Variants in NR4A1 observed in about 807,000 individuals in gnomAD.
The protein encoded by NR4A1 is nuclear receptor subfamily 4 group A member 1.
NR4A1 carries 24 observed loss-of-function variants against 47.5 expected under a neutral mutation model. The observed-to-expected ratio is 0.50, with a 90% CI of 0.37 to 0.71. The LOEUF (loss-of-function observed/expected upper bound fraction) is 0.71. Among genes scored for constraint, NR4A1 ranks in the 30% least tolerant of loss-of-function variants. The probability of loss-of-function intolerance (pLI) is 0.00; values close to 1 mark genes in which losing one functional copy is unlikely to be tolerated. For missense variants in NR4A1, 669 were observed against 788.6 expected (o/e 0.85, Z 1.82); for synonymous variants, 353 against 345.7 (o/e 1.02, Z -0.24).
At chr12:52,049,750 G>A (rs943869962), upstream of NR4A1, among the ~76,000 whole-genome samples, 1 of 152,214 alleles carries the variant, frequency 6.6e-6, no homozygotes, top group African/African-American at 2.4e-5. Context: ...TGCAAATGGG[G>A]CATCAGGAGC....
upstream of NR4A1, among the ~76,000 whole-genome samples, chr12:52,050,342 G>GGA (rs957657482): frequency 6.6e-6 from 1 of 152,196 alleles, no homozygotes; most frequent in Admixed American, 6.5e-5. Flanking sequence ...GTGGACAGGG[G>GGA]GAGGGGTATT....
upstream of NR4A1, among the ~76,000 whole-genome samples, chr12:52,047,306 C>T (rs1038763281): frequency 1.1e-4 from 17 of 152,196 alleles, no homozygotes; most frequent in African/African-American, 3.9e-4. Context: ...TCAATTGTGC[C>T]TTTCTCCAAA....
chr12:52,031,778 ATTTT>A (rs61279135), intron 1 of NR4A1, among the ~76,000 whole-genome samples: 1 of 125,866 alleles, frequency 7.9e-6, no homozygotes. Flanking sequence ...GTGATGGTTA[ATTTT>A]TTTTTTTTTT....
chr12:52,037,292 G>C, intron 1 of NR4A1: 1 of 826,704 alleles, frequency 1.2e-6, no homozygotes, highest in Non-Finnish European at 1.5e-6. Context: ...GGAGGTGGCG[G>C]CGGCGGCGGA....
rs1288019962 is a variant in NR4A1 at position 52,057,048 on chromosome 12, TC to T, written c.1159-8del. 1.3e-6 allele frequency: 2 copies of T among 1,585,642 alleles called. No individual in the cohort carries two copies. The highest frequency in any genetic ancestry group is 8.6e-7 in the Non-Finnish European group (1 of 1,164,894). ...CTGGGGTGCTGACCCCACTGGACCG[TC>T]TTCCTAGTTCCAGGAGCTGGTGCTG... On this transcript the variant is annotated splice_region_variant and splice_polypyrimidine_tract_variant and intron_variant, in intron 4 of 6. Transcript: ENST00000394825.
intron 1 of NR4A1, among the ~76,000 whole-genome samples, chr12:52,041,151 G>A (rs1938420321): frequency 6.6e-6 from 1 of 152,138 alleles, no homozygotes; most frequent in Non-Finnish European, 1.5e-5. Context: ...GTAGATATGT[G>A]TATCCAGCAC....
chr12:52,047,621 T>C (rs1592294253), upstream of NR4A1, among the ~76,000 whole-genome samples: 1 of 152,228 alleles, frequency 6.6e-6, no homozygotes, highest in East Asian at 1.9e-4. Context: ...GCAGCAGGAC[T>C]GCAGCCTCCA....
chr12:52,039,435 G>A (rs1938357085), intron 1 of NR4A1, among the ~76,000 whole-genome samples: 1 of 152,206 alleles, frequency 6.6e-6, no homozygotes, highest in Non-Finnish European at 1.5e-5. Flanking sequence ...GCCAGTGCAG[G>A]GGACAGAGCT....
chr12:52,034,468 A>G (rs1259801503), intron 1 of NR4A1, among the ~76,000 whole-genome samples: 1 of 152,240 alleles, frequency 6.6e-6, no homozygotes, highest in Non-Finnish European at 1.5e-5. Context: ...TCCCTGGGCC[A>G]TGCACGTTGT....
At chr12:52,056,833 G>C in intron 4 of NR4A1, 188 bp downstream of exon 4, 1 of 832,782 alleles carries the variant, frequency 1.2e-6, no homozygotes, top group Non-Finnish European at 1.8e-6. Context: ...CTGACCAGAT[G>C]GGAAAATGCA....
rs544230141 is a variant in NR4A1, at chr12:52,054,815, C to G, written c.487C>G (p.Pro163Ala). ...GGATGGCTCCTTCGGCCACTTCTCG[C>G]CCAGCCAGACTTACGAAGGCCTGCG... ...PWDGSFGHFSPSQTYEGLRAW... is the reference protein window; with the variant it reads ...PWDGSFGHFSASQTYEGLRAW... Residue 163 changes from proline (P) to alanine (A), a missense_variant, in exon 2 of 7, where the codon CCC (proline) becomes GCC (alanine). Pro to Ala is a conservative substitution (Grantham distance 27). Transcript: ENST00000394825. 1 of 1,613,578 alleles carries G rather than the reference C, an allele frequency of 6.2e-7. No individual in the cohort carries two copies.
intron 1 of NR4A1, 93 bp downstream of exon 1, chr12:52,051,661 G>A: frequency 1.2e-6 from 1 of 853,388 alleles, no homozygotes. Flanking sequence ...TTGTAGGGCC[G>A]GCATGCAAGA....
At chr12:52,030,993 CT>C (rs1368419238) in intron 1 of NR4A1, among the ~76,000 whole-genome samples, 1 of 152,018 alleles carries the variant, frequency 6.6e-6, no homozygotes, top group Non-Finnish European at 1.5e-5. Context: ...TCCCTTTCCC[CT>C]AACTCTCCAC....
Position 52,058,839 on chromosome 12 carries a change from C to CTATAT in NR4A1, c.1692_1693insTATAT (p.Leu565TyrfsTer57). The CTATAT allele has an allele frequency of 6.2e-7, 1 of 1,614,048 alleles. No homozygotes were observed. The highest frequency in any genetic ancestry group is 8.5e-7 in the Non-Finnish European group (1 of 1,179,984). On this transcript the variant is annotated frameshift_variant, in exon 7 of 7. Transcript: ENST00000394825. LOFTEE classifies it high-confidence loss of function. The stretch of plus-strand genomic sequence containing the variant: ...TGGGCAAACTGCCCGAGCTGCGGAC[C>CTATAT]CTGTGCACCCAGGGCCTGCAGCGCA...
rs950132119 is a variant in NR4A1 at position 52,056,486 on chromosome 12, C to G, written c.1007-8C>G. On this transcript the variant is annotated splice_region_variant and splice_polypyrimidine_tract_variant and intron_variant, in intron 3 of 6. Transcript: ENST00000394825. ...CTTCCTTCCTCACCCCTACCCATTC[C>G]TTTGCAGTTGTCCGAACAGACAGCC... 2 of 1,612,756 alleles carry G rather than the reference C, an allele frequency of 1.2e-6. No homozygotes were observed.
chr12:52,052,401 C>A (rs1170151080), intron 1 of NR4A1: 2 of 790,178 alleles, frequency 2.5e-6, no homozygotes, highest in African/African-American at 1.9e-5. Context: ...AGTCTTGGGG[C>A]GGTGCTGCCT....
chr12:52,048,588 C>T (rs558203062), upstream of NR4A1, among the ~76,000 whole-genome samples: 4 of 152,052 alleles, frequency 2.6e-5, no homozygotes, highest in Non-Finnish European at 4.4e-5. Flanking sequence ...AGCGAGACTC[C>T]GTCTTAAAAA....
At position 52,054,408 on chromosome 12, in the gene NR4A1, C is replaced by A; in HGVS notation, c.80C>A (p.Thr27Asn). Residue 27 changes from threonine to asparagine, a missense_variant, in exon 2 of 7, where the codon ACC (threonine) becomes AAC (asparagine). Transcript: ENST00000394825. Reference protein sequence around the residue: ...PRDHLASDPLTPEFIKPTMDL... With the variant: ...PRDHLASDPLNPEFIKPTMDL... ...GACCACCTGGCAAGCGACCCCCTGA[C>A]CCCTGAGTTCATCAAGCCCACCATG... 6.2e-7 allele frequency: 1 copy of A among 1,613,820 alleles called. No homozygotes were observed. The highest frequency in any genetic ancestry group is 8.5e-7 in the Non-Finnish European group (1 of 1,179,964).
intron 2 of NR4A1, chr12:52,045,463 C>G: frequency 2.2e-6 from 1 of 445,106 alleles, no homozygotes; most frequent in Non-Finnish European, 4.5e-6. Context: ...GACTTCCACC[C>G]TCACTTGCCA....
Sources: gnomAD v4.1 joint callset for allele counts (sites outside exome capture counted in the v4.1 genomes callset) on GRCh38, gnomAD v4.1.1 for gene constraint, MANE v1.5 for transcripts, NCBI Gene and HGNC (gene_info 2026-07-23, HGNC 2026-07-21) for gene names.